NAALADL2: variants seen among roughly 807,000 people sequenced by gnomAD.
NAALADL2 encodes N-acetylated alpha-linked acidic dipeptidase like 2.
Under a neutral mutation model 87.2 loss-of-function variants are expected in NAALADL2, and 76 were observed. The ratio of observed to expected loss-of-function variants is 0.87; its 90% CI spans 0.72 to 1.05. NAALADL2 has a LOEUF of 1.05. Ranked by LOEUF, NAALADL2 falls within the 50% of genes least tolerant of loss-of-function variation. The probability of loss-of-function intolerance (pLI) is 0.00; values close to 1 mark genes in which losing one functional copy is unlikely to be tolerated. For missense variants in NAALADL2, 1,089 were observed against 945.8 expected (o/e 1.15, Z -1.99); for synonymous variants, 354 against 331.0 (o/e 1.07, Z -0.75).
chr3:174,540,041 C>A (rs1198966788), intron 1 of NAALADL2, among the ~76,000 whole-genome samples: 1 of 136,096 alleles, frequency 7.3e-6, no homozygotes, highest in African/African-American at 2.6e-5. Flanking sequence ...GGGCATTTAT[C>A]TATCTTGCTA....
chr3:175,464,940 A>G (rs1479232096), intron 7 of NAALADL2, among the ~76,000 whole-genome samples: 1 of 152,256 alleles, frequency 6.6e-6, no homozygotes, highest in African/African-American at 2.4e-5. Flanking sequence ...TGGAAAACCC[A>G]GTTGTACAAA....
Position 174,519,959 on chromosome 3 carries a change from A to T in NAALADL2, c.-183-30610A>T, listed in dbSNP as rs531724207. ...AAATCAAGAACACAATGCCATTTAC[A>T]GTAGCCACACACACAGAAAGTAAAA... On this transcript the variant is annotated intron_variant, in intron 1 of 3. Transcript: ENST00000434257. Among the ~76,000 whole-genome samples, 3 of 152,306 alleles carry T rather than the reference A, an allele frequency of 2.0e-5. No homozygotes were observed. In the East Asian group the frequency reaches 5.8e-4, roughly 29 times the overall value.
At chr3:175,094,182 T>A (rs1375584245) in intron 1 of NAALADL2, among the ~76,000 whole-genome samples, 1 of 151,850 alleles carries the variant, frequency 6.6e-6, no homozygotes, top group Non-Finnish European at 1.5e-5. Context: ...GAAAAAAATC[T>A]AGAGAACTGC....
intron 3 of NAALADL2, among the ~76,000 whole-genome samples, chr3:174,849,003 A>T (rs1048995190): frequency 6.6e-6 from 1 of 152,188 alleles, no homozygotes; most frequent in Non-Finnish European, 1.5e-5. Context: ...ATATTTCAAC[A>T]TATCTAAACA....
intron 9 of NAALADL2, among the ~76,000 whole-genome samples, chr3:175,493,432 G>T (rs1305801832): frequency 6.6e-6 from 1 of 152,006 alleles, no homozygotes; most frequent in Non-Finnish European, 1.5e-5. Flanking sequence ...AACATAATAG[G>T]TAAAACATTC....
At chr3:174,998,218 C>A (rs1747787933) in intron 1 of NAALADL2, among the ~76,000 whole-genome samples, 1 of 152,150 alleles carries the variant, frequency 6.6e-6, no homozygotes, top group African/African-American at 2.4e-5. Flanking sequence ...CGACAGTGTA[C>A]AAGGATACCC....
chr3:174,516,674 G>T (rs1719952981), intron 1 of NAALADL2, among the ~76,000 whole-genome samples: 1 of 151,938 alleles, frequency 6.6e-6, no homozygotes, highest in African/African-American at 2.4e-5. Context: ...GTATACTCTT[G>T]TCTAATACAA....
chr3:175,715,444 T>C (rs1178294166), intron 11 of NAALADL2, among the ~76,000 whole-genome samples: 2 of 152,212 alleles, frequency 1.3e-5, no homozygotes, highest in African/African-American at 4.8e-5. Context: ...ACCAACATAC[T>C]ATACCTTGAA....
chr3:174,927,605 A>G (rs1736266540), intron 1 of NAALADL2, among the ~76,000 whole-genome samples: 1 of 152,218 alleles, frequency 6.6e-6, no homozygotes, highest in Non-Finnish European at 1.5e-5. Flanking sequence ...CTCCTGAATG[A>G]CTACTGGGTA....
At chr3:174,706,259 G>T (rs924807380) in intron 2 of NAALADL2, among the ~76,000 whole-genome samples, 1 of 152,158 alleles carries the variant, frequency 6.6e-6, no homozygotes, top group African/African-American at 2.4e-5. Flanking sequence ...ATGTGCAGAA[G>T]AATGAAGTTT....
intron 5 of NAALADL2, among the ~76,000 whole-genome samples, chr3:175,365,608 G>A (rs1765463803): frequency 6.8e-6 from 1 of 147,078 alleles, no homozygotes; most frequent in Admixed American, 7.0e-5. Flanking sequence ...CATGTTTGGT[G>A]GTCATCCTTC....
intron 3 of NAALADL2, among the ~76,000 whole-genome samples, chr3:174,787,226 C>G (rs142062269): frequency 3.9e-4 from 59 of 151,910 alleles, no homozygotes; most frequent in Middle Eastern, 3.4e-3. Context: ...TTATTCGTCT[C>G]TTCAAACTGA....
At chr3:174,965,674 G>C (rs1742765416) in intron 1 of NAALADL2, among the ~76,000 whole-genome samples, 2 of 152,062 alleles carry the variant, frequency 1.3e-5, no homozygotes, top group Admixed American at 6.6e-5. Flanking sequence ...AGGACATGGA[G>C]GTCCTCAAGG....
intron 5 of NAALADL2, among the ~76,000 whole-genome samples, chr3:175,438,435 A>T (rs968396543): frequency 1.3e-5 from 2 of 152,114 alleles, no homozygotes; most frequent in African/African-American, 4.8e-5. Context: ...TAATGGTCTG[A>T]TTTCTGTCAA....
chr3:174,812,142 G>C (rs1016070583), intron 3 of NAALADL2, among the ~76,000 whole-genome samples: 1 of 152,208 alleles, frequency 6.6e-6, no homozygotes, highest in Middle Eastern at 3.4e-3. Context: ...CACAGTCTCA[G>C]TGTTTTTTTT....
At chr3:175,151,558 T>C (rs905820545) in intron 2 of NAALADL2, among the ~76,000 whole-genome samples, 3 of 152,190 alleles carry the variant, frequency 2.0e-5, no homozygotes, top group Non-Finnish European at 4.4e-5. Flanking sequence ...TTAATGTGAA[T>C]GTAGGTCAGA....
At chr3:174,451,843 G>GTTTTTTTTTT (rs764587503) in intron 1 of NAALADL2, among the ~76,000 whole-genome samples, 21 of 98,082 alleles carry the variant, frequency 2.1e-4, no homozygotes, top group East Asian at 1.3e-3. Context: ...GATAGTGGGA[G>GTTTTTTTTTT]TTTTTTTTTT....
At chr3:175,381,630 T>G (rs535970660) in intron 5 of NAALADL2, among the ~76,000 whole-genome samples, 12 of 152,318 alleles carry the variant, frequency 7.9e-5, no homozygotes, top group Middle Eastern at 3.4e-3. Context: ...AGAGCGATAA[T>G]GAGTTTAGAC....
intron 3 of NAALADL2, among the ~76,000 whole-genome samples, chr3:174,835,599 A>G (rs192244778): frequency 7.9e-5 from 12 of 152,314 alleles, no homozygotes; most frequent in African/African-American, 2.4e-4. Context: ...TGTAAATCAT[A>G]TATCTGATCA....
Sources: gnomAD v4.1 joint callset for allele counts (sites outside exome capture counted in the v4.1 genomes callset) on GRCh38, gnomAD v4.1.1 for gene constraint, MANE v1.5 for transcripts, NCBI Gene and HGNC (gene_info 2026-07-23, HGNC 2026-07-21) for gene names.